PCBP3: variants seen among roughly 807,000 people sequenced by gnomAD.
The protein encoded by PCBP3 is poly(rC)-binding protein 3.
A neutral mutation model predicts 52.7 loss-of-function variants in PCBP3; 25 were observed. The ratio of observed to expected loss-of-function variants is 0.47; its 90% CI spans 0.35 to 0.66. The LOEUF is 0.66. Among genes scored for constraint, PCBP3 ranks in the 30% least tolerant of loss-of-function variants. The pLI is 0.01. For synonymous variants in PCBP3, 162 were observed against 183.0 expected (o/e 0.89, Z 0.93); for missense variants, 391 against 490.3 (o/e 0.80, Z 1.91).
intron 2 of PCBP3, among the ~76,000 whole-genome samples, chr21:45,672,760 G>A (rs890115483): frequency 6.6e-6 from 1 of 152,112 alleles, no homozygotes; most frequent in Non-Finnish European, 1.5e-5. Flanking sequence ...ATGGGTCTTT[G>A]CTGCTCAGAA....
At chr21:45,696,402 C>T (rs1251888685) in intron 2 of PCBP3, among the ~76,000 whole-genome samples, 2 of 151,976 alleles carry the variant, frequency 1.3e-5, no homozygotes, top group African/African-American at 2.4e-5. Flanking sequence ...ATGTGAAAAA[C>T]GGCATGCACC....
chr21:45,875,651 T>C (rs1043739231), intron 5 of PCBP3, among the ~76,000 whole-genome samples: 5 of 152,170 alleles, frequency 3.3e-5, no homozygotes, highest in African/African-American at 1.2e-4. Context: ...TCCCTCCCTG[T>C]CCAGGGCGAG....
chr21:45,787,230 A>G (rs1044237374), intron 4 of PCBP3, among the ~76,000 whole-genome samples: 2 of 152,052 alleles, frequency 1.3e-5, no homozygotes, highest in Admixed American at 6.6e-5. Flanking sequence ...TAACAGCTGG[A>G]TCTTGACGTT....
chr21:45,916,132 TAAG>T (rs1404761084), intron 12 of PCBP3: 1 of 152,158 alleles, frequency 6.6e-6, no homozygotes, highest in Non-Finnish European at 1.5e-5. Flanking sequence ...AACATAACAG[TAAG>T]AAGATCAGTC....
chr21:45,938,262 G>A (rs538330043), intron 16 of PCBP3, among the ~76,000 whole-genome samples: 2 of 152,372 alleles, frequency 1.3e-5, no homozygotes, highest in South Asian at 4.1e-4. Context: ...ACGCGCTCCA[G>A]CGCAGAAAGT....
At chr21:45,707,673 A>G (rs2148079401) in intron 2 of PCBP3, among the ~76,000 whole-genome samples, 1 of 152,350 alleles carries the variant, frequency 6.6e-6, no homozygotes, top group Admixed American at 6.5e-5. Context: ...AGGCATAATC[A>G]GAATGATTCC....
chr21:45,723,743 C>A (rs930171053), intron 2 of PCBP3, among the ~76,000 whole-genome samples: 1 of 152,208 alleles, frequency 6.6e-6, no homozygotes, highest in South Asian at 2.1e-4. Context: ...GGTTGGATGC[C>A]AGGCCCGGGG....
rs553781592 is a variant in PCBP3 at position 45,825,965 on chromosome 21, A to G, written c.-125-23996A>G. ...CTATGAAAGAAAAAAATATATAACT[A>G]AAGAGGAAAGAAAAAAGCAGTGAGG... On this transcript the variant is annotated intron_variant, in intron 4 of 17. Coordinates refer to ENST00000681687, the MANE Select transcript of PCBP3 (RefSeq NM_001384156.1). 3.9e-4 allele frequency among the ~76,000 whole-genome samples: 59 copies of G among 152,318 alleles called. 1 individual carries two copies. In the South Asian group the frequency reaches 0.012, roughly 31 times the overall value.
At chr21:45,808,842 C>A (rs207477888) in intron 4 of PCBP3, among the ~76,000 whole-genome samples, 1 of 152,116 alleles carries the variant, frequency 6.6e-6, no homozygotes, top group Non-Finnish European at 1.5e-5. Context: ...ATATATACCA[C>A]GGAATACTAT....
At chr21:45,824,104 T>A (rs1469008155) in intron 4 of PCBP3, among the ~76,000 whole-genome samples, 2 of 152,214 alleles carry the variant, frequency 1.3e-5, no homozygotes, top group African/African-American at 4.8e-5. Flanking sequence ...ATTTCCAGCA[T>A]CCTAAAGTGG....
At chr21:45,838,863 T>A (rs1327017268) in intron 4 of PCBP3, among the ~76,000 whole-genome samples, 1 of 152,200 alleles carries the variant, frequency 6.6e-6, no homozygotes, top group African/African-American at 2.4e-5. Flanking sequence ...CTGAAATTCC[T>A]GCATTTGATT....
intron 4 of PCBP3, among the ~76,000 whole-genome samples, chr21:45,755,739 T>G (rs2087974370): frequency 6.6e-6 from 1 of 152,226 alleles, no homozygotes; most frequent in African/African-American, 2.4e-5. Flanking sequence ...AAGTGTCTGT[T>G]CATACATTTT....
chr21:45,655,509 G>T (rs570249821), intron 1 of PCBP3, among the ~76,000 whole-genome samples: 9 of 152,270 alleles, frequency 5.9e-5, no homozygotes, highest in Non-Finnish European at 1.2e-4. Context: ...TAGCATTTCT[G>T]TAGTGACTGA....
chr21:45,929,868 G>A (rs1184826561), intron 13 of PCBP3, 49 bp from the exon 14 acceptor site: 3 of 1,353,384 alleles, frequency 2.2e-6, no homozygotes, highest in South Asian at 2.3e-5. Context: ...GGTGTGACTT[G>A]TACTCGATGA....
At chr21:45,921,468 C>T (rs2074421652) in intron 13 of PCBP3, among the ~76,000 whole-genome samples, 1 of 152,126 alleles carries the variant, frequency 6.6e-6, no homozygotes, top group African/African-American at 2.4e-5. Flanking sequence ...TTTCTGTGCC[C>T]AGTTTTAAAA....
At chr21:45,765,280 GCCTGGGAAAC>G (rs2089200327) in intron 4 of PCBP3, among the ~76,000 whole-genome samples, 1 of 152,208 alleles carries the variant, frequency 6.6e-6, no homozygotes, top group Non-Finnish European at 1.5e-5. Flanking sequence ...CCAGGCTGGG[GCCTGGGAAAC>G]CCTTCCCACA....
chr21:45,804,403 G>T (rs1374783405), intron 4 of PCBP3, among the ~76,000 whole-genome samples: 2 of 152,174 alleles, frequency 1.3e-5, no homozygotes, highest in Non-Finnish European at 2.9e-5. Flanking sequence ...GAAAGGCTTT[G>T]AGGTGGTGTA....
intron 4 of PCBP3, among the ~76,000 whole-genome samples, chr21:45,845,387 G>A (rs2093785852): frequency 6.6e-6 from 1 of 151,138 alleles, no homozygotes; most frequent in Admixed American, 6.6e-5. Flanking sequence ...GCACATGTGT[G>A]TAAGTGTGTG....
At chr21:45,742,457 T>C (rs2086525346) in intron 3 of PCBP3, among the ~76,000 whole-genome samples, 1 of 152,234 alleles carries the variant, frequency 6.6e-6, no homozygotes, top group Non-Finnish European at 1.5e-5. Flanking sequence ...TCTTGCATTA[T>C]TGAAGATACT....
Sources: allele counts gnomAD v4.1 joint callset (sites outside exome capture counted in the v4.1 genomes callset), GRCh38; gene constraint gnomAD v4.1.1; transcripts MANE v1.5; gene names NCBI Gene and HGNC (gene_info 2026-07-23, HGNC 2026-07-21).